ALDH18A1: variants seen among roughly 807,000 people sequenced by gnomAD.
The protein encoded by ALDH18A1 is aldehyde dehydrogenase 18 family member A1.
In ALDH18A1, 44 loss-of-function variants were observed where a neutral mutation model predicts 88.8. The ratio of observed to expected loss-of-function variants is 0.50; its 90% CI spans 0.39 to 0.64. The LOEUF (loss-of-function observed/expected upper bound fraction) is 0.64. Ranked by LOEUF, ALDH18A1 falls within the 30% of genes least tolerant of loss-of-function variation. The probability of loss-of-function intolerance (pLI) is 0.00; values close to 1 mark genes in which losing one functional copy is unlikely to be tolerated. For missense variants in ALDH18A1, 782 were observed against 1,009.5 expected, an observed-to-expected ratio of 0.77 and a Z score of 3.05; for synonymous variants, 331 against 372.1, an observed-to-expected ratio of 0.89 and a Z score of 1.27.
intron 16 of ALDH18A1, 33 bp from the exon 17 acceptor site, chr10:95,610,325 A>T: frequency 6.2e-7 from 1 of 1,604,424 alleles, no homozygotes; most frequent in East Asian, 2.2e-5. Flanking sequence ...CCAAGTTAGG[A>T]TGATACCCAG....
intron 7 of ALDH18A1, 107 bp downstream of exon 7, chr10:95,632,852 T>C (rs1030023605): frequency 2.1e-5 from 20 of 971,606 alleles, no homozygotes; most frequent in African/African-American, 1.3e-4. Flanking sequence ...TAATGATCTA[T>C]AGCAAAAAAA....
Position 95,611,332 on chromosome 10 carries a change from C to T in ALDH18A1, c.2034G>A (p.Val678=), listed in dbSNP as rs1328125928. ...GGTCAATGGCATCCTGAACGTTGTC[C>T]ACTACTTCAATGCATAATTCCAGGT... ...YGDLELCIEV[V]DNVQDAIDHI... The change falls in exon 16 of 18, where the codon GTG becomes GTA. Residue 678 remains valine, a synonymous_variant. Transcript: ENST00000371224. 5 of 1,614,060 alleles carry T rather than the reference C, an allele frequency of 3.1e-6. No homozygotes were observed. The highest frequency in any genetic ancestry group is 1.7e-5 in the Admixed American group (1 of 60,006).
chr10:95,609,769 A>ATTGTTTTTTTTTT (rs2097829730), intron 17 of ALDH18A1, among the ~76,000 whole-genome samples: 1 of 114,266 alleles, frequency 8.8e-6, no homozygotes, highest in African/African-American at 3.4e-5. Flanking sequence ...GTCTGTCTCT[A>ATTGTTTTTTTTTT]TTTTTTTTTT....
chr10:95,645,951 T>G (rs766769993), intron 2 of ALDH18A1, among the ~76,000 whole-genome samples: 7 of 152,190 alleles, frequency 4.6e-5, no homozygotes, highest in Admixed American at 2.0e-4. Flanking sequence ...CTAAGCAATA[T>G]GTACAACTAA....
intron 3 of ALDH18A1, among the ~76,000 whole-genome samples, chr10:95,637,758 C>T (rs2097883572): frequency 6.6e-6 from 1 of 152,100 alleles, no homozygotes; most frequent in Non-Finnish European, 1.5e-5. Context: ...TGCCTGAGCC[C>T]AGGAGGTTCA....
rs756168752 is a variant in ALDH18A1 at position 95,621,050 on chromosome 10, C to T, written c.1448G>A (p.Arg483His). The T allele has an allele frequency of 2.5e-5, 40 of 1,613,862 alleles. No homozygotes were observed. The highest frequency in any genetic ancestry group is 8.3e-5 in the Admixed American group (5 of 59,980). Residue 483 changes from arginine (R) to histidine (H), a missense_variant, in exon 12 of 18, where the codon CGT becomes CAT. By Grantham distance (29) the Arg-to-His change is conservative. This residue lies in a region of ALDH18A1 where 556 missense variants were observed against 654.5 expected (regional missense o/e 0.85). Transcript: ENST00000371224. The part of the protein sequence containing the change: ...IGVLLVIFES[R>H]PDCLPQVAAL... ...ACACACCTGGGGTAGACAGTCAGGA[C>T]GAGATTCAAAGATCACCAGCAGAAC...
chr10:95,610,286 G>A lies in ALDH18A1; in HGVS notation c.2117C>T (p.Thr706Ile). 1.9e-6 allele frequency: 3 copies of A among 1,613,984 alleles called. No homozygotes were observed. Among genetic ancestry groups the A allele is most frequent in the South Asian group, 1.1e-5 (1 of 91,084 alleles). The change falls in exon 17 of 18, where the codon ACA becomes ATA. Residue 706 changes from threonine to isoleucine, a missense_variant. Transcript: ENST00000371224. ...TDVIVTEDEN[T>I]AEFFLQHVDS... ...TACGTGCTGCAGGAAGAACTCCGCT[G>A]TGTTTTCTGCAGGGTGAAGAAGGAG...
intron 7 of ALDH18A1, chr10:95,628,915 G>A (rs1293511225): frequency 4.1e-6 from 1 of 245,460 alleles, no homozygotes; most frequent in Non-Finnish European, 8.0e-6. Context: ...TTCCAAGCAG[G>A]ATGAAATGCA....
intron 3 of ALDH18A1, among the ~76,000 whole-genome samples, chr10:95,642,485 T>G (rs1489031009): frequency 6.6e-6 from 1 of 152,118 alleles, no homozygotes. Flanking sequence ...CATAATGGTT[T>G]GTGCCTGTAG....
At chr10:95,631,631 T>A (rs2097869646) in intron 7 of ALDH18A1, among the ~76,000 whole-genome samples, 1 of 150,656 alleles carries the variant, frequency 6.6e-6, no homozygotes, top group Non-Finnish European at 1.5e-5. Context: ...TAATCCCAGT[T>A]ACTCGGGAGG....
rs758828421 is a variant in ALDH18A1, at chr10:95,625,375, C to A, written c.1233G>T (p.Leu411Phe). 22 of 1,613,956 alleles carry A rather than the reference C, an allele frequency of 1.4e-5. No individual in the cohort carries two copies. The highest frequency in any genetic ancestry group is 4.5e-5 in the East Asian group (2 of 44,888). Residue 411 changes from leucine to phenylalanine, a missense_variant, in exon 11 of 18, where the codon TTG (leucine) becomes TTT (phenylalanine). Around this residue, in one of 3 missense-constraint regions of ALDH18A1, gnomAD observed 556 missense variants for 654.5 expected, o/e 0.85. Coordinates refer to ENST00000371224, the MANE Select transcript of ALDH18A1 (RefSeq NM_002860.4). ...CCTGGTCTTTACCCTCTGCCTCCTC[C>A]AAGTCTTTTTTGTTGGCTAACAGGA... ...DEILLANKKD[L>F]EEAEGRLAAP... is the part of the protein sequence containing the mutation.
At chr10:95,627,416 T>C in intron 9 of ALDH18A1, 26 bp downstream of exon 9, 1 of 1,613,944 alleles carries the variant, frequency 6.2e-7, no homozygotes, top group East Asian at 2.2e-5. Flanking sequence ...ATCACAGGCC[T>C]TGGGACCTTA....
In ALDH18A1 at chr10:95,606,943, C is replaced by G; in HGVS notation, c.2207G>C (p.Gly736Ala). The G allele has an allele frequency of 6.2e-7, 1 of 1,613,972 alleles. No homozygotes were observed. The highest frequency in any genetic ancestry group is 8.5e-7 in the Non-Finnish European group (1 of 1,179,924). ...RFSDGYRFGL[G>A]AEVGISTSRI... is the part of the protein sequence containing the mutation. ...CGATGTACTGATTCCCACTTCAGCT[C>G]CTGTGAAAAAGCATGAATAAAAGAT... is the stretch of plus-strand genomic sequence containing the variant. The change falls in exon 18 of 18, where the codon GGA becomes GCA. Residue 736 changes from glycine (G) to alanine (A), a missense_variant and splice_region_variant. Gly to Ala is a moderately conservative substitution (Grantham distance 60). Around this residue, in one of 3 missense-constraint regions of ALDH18A1, gnomAD observed 556 missense variants for 654.5 expected, o/e 0.85. Transcript: ENST00000371224.
In ALDH18A1 at chr10:95,628,520, C is replaced by A. The variant is rs781674399; in HGVS notation, c.809-28G>T. On this transcript the variant is annotated intron_variant, in intron 7 of 17. Transcript: ENST00000371224. ...AAAAAATAGACAAGAGTCAGTAATA[C>A]TGCTTTGATGGAAGTGTCTCCAAGA... is the stretch of plus-strand genomic sequence containing the variant. The A allele has an allele frequency of 2.5e-6, 4 of 1,609,224 alleles. No homozygotes were observed. In the African/African-American group the frequency reaches 5.3e-5, roughly 21 times the overall value.
At chr10:95,609,521 G>A (rs2097829176) in intron 17 of ALDH18A1, among the ~76,000 whole-genome samples, 1 of 152,212 alleles carries the variant, frequency 6.6e-6, no homozygotes. Flanking sequence ...GGCAGGCTGT[G>A]GTTGCCCACG....
At chr10:95,626,435 A>G (rs2097860474) in intron 10 of ALDH18A1, among the ~76,000 whole-genome samples, 1 of 152,176 alleles carries the variant, frequency 6.6e-6, no homozygotes, top group African/African-American at 2.4e-5. Context: ...GAATTAGGTA[A>G]CCTTTCTAAT....
Position 95,610,083 on chromosome 10 carries a change from T to C in ALDH18A1, c.2206+114A>G, listed in dbSNP as rs2097830860. 7 of 1,061,464 alleles carry C rather than the reference T, an allele frequency of 6.6e-6. No individual in the cohort carries two copies. In the South Asian group the frequency reaches 7.9e-5, roughly 12 times the overall value. 65.8% of individuals were successfully genotyped at this position (1,061,464 alleles called of 1,614,324 possible). A position where few individuals can be genotyped will look rare whatever the true frequency, so the allele number is the denominator to read the frequency against. Reference sequence around the variant, plus strand: ...CGGCACCCAGCCTGTTTCTCTCTTATCTTGACCAAGCATGTGACAGTCAAG... The same window carrying C: ...CGGCACCCAGCCTGTTTCTCTCTTACCTTGACCAAGCATGTGACAGTCAAG... On this transcript the variant is annotated intron_variant, in intron 17 of 17. Transcript: ENST00000371224.
At chr10:95,613,313 T>C (rs1227360139) in intron 15 of ALDH18A1, among the ~76,000 whole-genome samples, 1 of 152,234 alleles carries the variant, frequency 6.6e-6, no homozygotes, top group Non-Finnish European at 1.5e-5. Flanking sequence ...TTAAGTACAC[T>C]AATATTGGTA....
intron 11 of ALDH18A1, among the ~76,000 whole-genome samples, chr10:95,622,691 C>T (rs1211855546): frequency 6.6e-6 from 1 of 152,250 alleles, no homozygotes; most frequent in African/African-American, 2.4e-5. Context: ...GCGCCCGCCA[C>T]CACACCCGGC....
Sources: gnomAD v4.1 joint callset for allele counts (sites outside exome capture counted in the v4.1 genomes callset) on GRCh38, gnomAD v4.1.1 for gene constraint, gnomAD v4.1.1 regional missense constraint, MANE v1.5 for transcripts, NCBI Gene and HGNC (gene_info 2026-07-23, HGNC 2026-07-21) for gene names.